Variants in AP1G1 observed in about 807,000 individuals in gnomAD.
AP1G1 encodes adaptor related protein complex 1 subunit gamma 1, also known as AP-1 complex subunit gamma-1.
Under a neutral mutation model 108.3 loss-of-function variants are expected in AP1G1, and 7 were observed. That is an observed-to-expected ratio of 0.06 (90% CI 0.04 to 0.12). The LOEUF is 0.12. Among genes scored for constraint, AP1G1 ranks in the 10% least tolerant of loss-of-function variants. The pLI, the probability that AP1G1 is intolerant of heterozygous loss-of-function variation, is 1.00. For missense variants in AP1G1, 756 were observed against 1,010.7 expected, an observed-to-expected ratio of 0.75 and a Z score of 3.42; for synonymous variants, 379 against 353.5, an observed-to-expected ratio of 1.07 and a Z score of -0.81.
In AP1G1 at chr16:71,738,167, C is replaced by G. The variant is rs561472954; in HGVS notation, c.2268+775G>C. ...GGTTCAAGCAATTCTCCTGCCTCATCAGCCTCCCGAGTAACTGGGATTAGA... is the reference window on the plus strand; with the variant it reads ...GGTTCAAGCAATTCTCCTGCCTCATGAGCCTCCCGAGTAACTGGGATTAGA... On this transcript the variant is annotated intron_variant, in intron 21 of 22. Coordinates refer to ENST00000299980, the MANE Select transcript of AP1G1 (RefSeq NM_001128.6). Among the ~76,000 whole-genome samples the G allele has an allele frequency of 6.6e-5, 10 of 152,226 alleles. No individual in the cohort carries two copies. The South Asian group carries it at 1.9e-3, about 28-fold the overall frequency.
intron 4 of AP1G1, among the ~76,000 whole-genome samples, chr16:71,772,259 G>A (rs1409313578): frequency 6.6e-6 from 1 of 151,918 alleles, no homozygotes; most frequent in Non-Finnish European, 1.5e-5. Flanking sequence ...GCCTCCAGGT[G>A]AGGGACTACA....
intron 1 of AP1G1, chr16:71,806,562 A>G (rs1269928305): frequency 1.6e-5 from 8 of 508,888 alleles, no homozygotes; most frequent in Middle Eastern, 3.9e-4. Context: ...TTAAATACCA[A>G]TATATTAAAG....
chr16:71,791,590 C>A (rs1191710896), intron 1 of AP1G1, among the ~76,000 whole-genome samples: 1 of 149,652 alleles, frequency 6.7e-6, no homozygotes, highest in Non-Finnish European at 1.5e-5. Context: ...GAGATTGAGG[C>A]AGGAGGATAG....
At chr16:71,795,152 C>T (rs2032542036) in intron 1 of AP1G1, among the ~76,000 whole-genome samples, 1 of 152,058 alleles carries the variant, frequency 6.6e-6, no homozygotes. Context: ...CTTTAGAACT[C>T]ACACTGCCCA....
chr16:71,735,034 G>C (rs1248796017), intron 21 of AP1G1, among the ~76,000 whole-genome samples: 1 of 152,148 alleles, frequency 6.6e-6, no homozygotes, highest in African/African-American at 2.4e-5. Flanking sequence ...AATGGTAACT[G>C]ATCAACTATG....
intron 11 of AP1G1, among the ~76,000 whole-genome samples, chr16:71,758,127 ATGTT>A (rs1468360345): frequency 6.6e-6 from 1 of 152,230 alleles, no homozygotes; most frequent in Non-Finnish European, 1.5e-5. Context: ...CCATCAATAA[ATGTT>A]TGTTAACTGA....
At chr16:71,737,290 T>C (rs936936576) in intron 21 of AP1G1, among the ~76,000 whole-genome samples, 4 of 152,144 alleles carry the variant, frequency 2.6e-5, no homozygotes, top group Non-Finnish European at 5.9e-5. Flanking sequence ...CCCTTTTTTT[T>C]CTTCTTTTTT....
intron 1 of AP1G1, among the ~76,000 whole-genome samples, chr16:71,790,114 C>T (rs566688637): frequency 1.1e-4 from 16 of 143,876 alleles, no homozygotes; most frequent in African/African-American, 3.3e-4. Flanking sequence ...AAAAAAAAAA[C>T]GTTAATAAGG....
rs1357939174 is a variant in AP1G1, at chr16:71,729,748, C to T, written c.*3310G>A. The T allele has an allele frequency of 6.6e-6, 1 of 152,612 alleles. No individual in the cohort carries two copies. The highest frequency in any genetic ancestry group is 2.4e-5 in the African/African-American group (1 of 41,446). 9.5% of individuals were successfully genotyped at this position (152,612 alleles called of 1,614,324 possible). A position where few individuals can be genotyped will look rare whatever the true frequency, so the allele number is the denominator to read the frequency against. On this transcript the variant is annotated 3_prime_UTR_variant, in exon 23 of 23. Coordinates refer to ENST00000299980, the MANE Select transcript of AP1G1 (RefSeq NM_001128.6). The stretch of plus-strand genomic sequence containing the variant: ...GTCATGAATACACAGACATGTAAAA[C>T]CACTCTCCCAACTACAAAGTTCATG...
intron 2 of AP1G1, among the ~76,000 whole-genome samples, chr16:71,777,106 CAAAAAAA>C (rs57955419): frequency 5.0e-4 from 24 of 48,066 alleles, no homozygotes; most frequent in Middle Eastern, 0.026. Flanking sequence ...CAAACTGTTA[CAAAAAAA>C]AAAAAAAAAA....
intron 14 of AP1G1, 26 bp downstream of exon 14, chr16:71,750,184 C>T: frequency 6.2e-7 from 1 of 1,609,932 alleles, no homozygotes; most frequent in Non-Finnish European, 8.5e-7. Context: ...AAATTACCCC[C>T]TAAAATAGTT....
At chr16:71,781,957 C>T (rs575178281) in intron 2 of AP1G1, among the ~76,000 whole-genome samples, 40 of 152,216 alleles carry the variant, frequency 2.6e-4, no homozygotes, top group African/African-American at 9.4e-4. Flanking sequence ...CACCAGGAGG[C>T]GTATAATTAT....
At chr16:71,808,204 C>CAACAACA in intron 1 of AP1G1, 1 of 1,101,222 alleles carries the variant, frequency 9.1e-7, no homozygotes, top group East Asian at 7.3e-5. Context: ...AACAAAACAA[C>CAACAACA]AACATATACA....
rs571226927 is a variant in AP1G1, at chr16:71,730,607, T to A, written c.*2451A>T. 2.5e-4 allele frequency: 38 copies of A among 152,738 alleles called. No individual in the cohort carries two copies. Among genetic ancestry groups the A allele is most frequent in the African/African-American group, 8.9e-4 (37 of 41,570 alleles). The allele number at this position is 152,738 out of a possible 1,614,324, so 9.5% of individuals were successfully genotyped here. A position where few individuals can be genotyped will look rare whatever the true frequency, so the allele number is the denominator to read the frequency against. On this transcript the variant is annotated 3_prime_UTR_variant, in exon 23 of 23. Coordinates refer to ENST00000299980, the MANE Select transcript of AP1G1 (RefSeq NM_001128.6). ...CAAGTGAGAGGAAAACTAATTCTGA[T>A]CCTAGAAACTAAGGCACGCTGAAGC...
At chr16:71,756,446 C>T (rs1318687568) in intron 11 of AP1G1, 3 of 264,274 alleles carry the variant, frequency 1.1e-5, no homozygotes, top group African/African-American at 6.7e-5. Flanking sequence ...GGCTGTTCTA[C>T]AAAGGTGGAA....
At chr16:71,749,714 C>T (rs1023680446) in intron 15 of AP1G1, among the ~76,000 whole-genome samples, 180 bp downstream of exon 15, 1 of 152,054 alleles carries the variant, frequency 6.6e-6, no homozygotes, top group African/African-American at 2.4e-5. Context: ...TGGTCTCAAA[C>T]TCCTGGGCTC....
intron 19 of AP1G1, chr16:71,742,898 G>C (rs1307037566): frequency 6.6e-6 from 1 of 151,914 alleles, no homozygotes; most frequent in Non-Finnish European, 1.5e-5. Context: ...ACTTGAACCC[G>C]GGAGGCAGAG....
At chr16:71,808,249 G>A in intron 1 of AP1G1, 1 of 1,051,922 alleles carries the variant, frequency 9.5e-7, no homozygotes, top group Non-Finnish European at 1.2e-6. Context: ...AAGTTGGTCG[G>A]AAGGTTAGAG....
chr16:71,773,526 T>C (rs1432594502), intron 3 of AP1G1, among the ~76,000 whole-genome samples, 164 bp from the exon 4 acceptor site: 1 of 152,152 alleles, frequency 6.6e-6, no homozygotes, highest in Non-Finnish European at 1.5e-5. Flanking sequence ...AAATTATCAA[T>C]ATAGTAAACA....
Sources: gnomAD v4.1 joint callset for allele counts (sites outside exome capture counted in the v4.1 genomes callset) on GRCh38, gnomAD v4.1.1 for gene constraint, MANE v1.5 for transcripts, NCBI Gene and HGNC (gene_info 2026-07-23, HGNC 2026-07-21) for gene names.